The following ADAMTS3 variants were observed in gnomAD, a reference collection of about 807,000 sequenced individuals.
ADAMTS3 encodes the protein A disintegrin and metalloproteinase with thrombospondin motifs 3.
Under a neutral mutation model 129.0 loss-of-function variants are expected in ADAMTS3, and 73 were observed. That is an observed-to-expected ratio of 0.57 (90% confidence interval 0.47 to 0.69). The LOEUF is 0.69. Among genes scored for constraint, ADAMTS3 ranks in the 30% least tolerant of loss-of-function variants. ADAMTS3 has a pLI of 0.00. For missense variants in ADAMTS3, 1,457 were observed against 1,514.5 expected (o/e 0.96, Z 0.63); for synonymous variants, 477 against 510.8 (o/e 0.93, Z 0.89).
chr4:72,482,543 A>C (rs532185761), intron 3 of ADAMTS3, among the ~76,000 whole-genome samples: 1 of 152,230 alleles, frequency 6.6e-6, no homozygotes, highest in East Asian at 1.9e-4. Flanking sequence ...TCATGGCTAT[A>C]AAAGGGCAAT....
In ADAMTS3 at chr4:72,315,937, C is replaced by CAT; in HGVS notation, c.1519_1520insAT (p.Cys507TyrfsTer155). On this transcript the variant is annotated frameshift_variant, in exon 11 of 22. Coordinates refer to ENST00000286657, the MANE Select transcript of ADAMTS3 (RefSeq NM_014243.3). LOFTEE classifies it high-confidence loss of function. ...AAAGTAGGGATTATCAGGATGGCTA[C>CAT]ACCACAGCTGTTTACATGGGTCAAA... The CAT allele has an allele frequency of 6.2e-7, 1 of 1,613,374 alleles. No individual in the cohort carries two copies. The highest frequency in any genetic ancestry group is 8.5e-7 in the Non-Finnish European group (1 of 1,179,546).
chr4:72,500,056 T>C (rs1719971706), intron 3 of ADAMTS3, among the ~76,000 whole-genome samples: 1 of 152,210 alleles, frequency 6.6e-6, no homozygotes, highest in African/African-American at 2.4e-5. Context: ...TTCCATGTCT[T>C]TGTTATTGTG....
At chr4:72,488,573 C>T (rs1299803851) in intron 3 of ADAMTS3, among the ~76,000 whole-genome samples, 1 of 151,918 alleles carries the variant, frequency 6.6e-6, no homozygotes, top group African/African-American at 2.4e-5. Flanking sequence ...ATGTGATCAT[C>T]TCCTGCTCTC....
intron 4 of ADAMTS3, among the ~76,000 whole-genome samples, chr4:72,386,360 T>C (rs980183052): frequency 2.6e-5 from 4 of 152,128 alleles, no homozygotes; most frequent in Non-Finnish European, 5.9e-5. Flanking sequence ...TTCATCCATC[T>C]GTGTCACTCT....
chr4:72,498,657 GC>G (rs1719931761), intron 3 of ADAMTS3, among the ~76,000 whole-genome samples: 1 of 150,098 alleles, frequency 6.7e-6, no homozygotes, highest in South Asian at 2.1e-4. Flanking sequence ...TTTCTCACAC[GC>G]ACACACACAC....
At chr4:72,472,476 T>G (rs1403113324) in intron 3 of ADAMTS3, among the ~76,000 whole-genome samples, 6 of 152,142 alleles carry the variant, frequency 3.9e-5, no homozygotes, top group Non-Finnish European at 8.8e-5. Flanking sequence ...CAAGCTTCCA[T>G]GAAAATCAGT....
chr4:72,389,776 C>T (rs374678178), intron 4 of ADAMTS3, among the ~76,000 whole-genome samples: 1 of 152,094 alleles, frequency 6.6e-6, no homozygotes, highest in East Asian at 1.9e-4. Context: ...TGGGTTTATA[C>T]CAATATTTAA....
At position 72,550,032 on chromosome 4, in the gene ADAMTS3, A is replaced by G. The variant is rs1403466481; in HGVS notation, c.98-1148T>C. ...GAAGAAGAAGAAGAAGAAGAAGAAG[A>G]AGAAGAAGAAGAGGAAGAGGAAGAG... On this transcript the variant is annotated intron_variant, in intron 2 of 21. Coordinates refer to ENST00000286657, the MANE Select transcript of ADAMTS3 (RefSeq NM_014243.3). Among the ~76,000 whole-genome samples the G allele has an allele frequency of 4.6e-3, 35 of 7,580 alleles. 5 individuals carry two copies. The highest frequency in any genetic ancestry group is 0.011 in the East Asian group (2 of 180). The allele number at this position is 7,580 out of a possible 152,430, so 5.0% of individuals were successfully genotyped here.
intron 4 of ADAMTS3, among the ~76,000 whole-genome samples, chr4:72,382,200 C>T (rs1170181235): frequency 1.3e-5 from 2 of 151,890 alleles, no homozygotes; most frequent in Admixed American, 1.3e-4. Flanking sequence ...TATTATGGCA[C>T]ACATAGTTAA....
intron 5 of ADAMTS3, among the ~76,000 whole-genome samples, chr4:72,325,345 T>A (rs190517723): frequency 1.3e-5 from 2 of 152,248 alleles, no homozygotes; most frequent in African/African-American, 4.8e-5. Flanking sequence ...AGTTGAAAAG[T>A]GAATCAAATC....
intron 3 of ADAMTS3, among the ~76,000 whole-genome samples, chr4:72,504,282 G>A (rs1720100162): frequency 6.6e-6 from 1 of 151,982 alleles, no homozygotes; most frequent in African/African-American, 2.4e-5. Context: ...AATTCCCTTG[G>A]TACTTGCTTG....
At chr4:72,530,586 A>AT in intron 3 of ADAMTS3, among the ~76,000 whole-genome samples, 1 of 39,042 alleles carries the variant, frequency 2.6e-5, no homozygotes, top group Admixed American at 3.7e-4. Flanking sequence ...TATATATTAA[A>AT]TATATATTAA....
rs1718329464 is a variant in ADAMTS3, at chr4:72,281,118, CTGTT to C, written c.*2014_*2017del. Reference sequence around the variant, plus strand: ...ATGAATATGTACATCTTTATGGAAACTGTTTGTGTGACCATCTTTATCTTCCCCT... The same window carrying C: ...ATGAATATGTACATCTTTATGGAAACTGTGTGACCATCTTTATCTTCCCCT... On this transcript the variant is annotated 3_prime_UTR_variant, in exon 22 of 22. Transcript: ENST00000286657. 6.6e-6 allele frequency: 1 copy of C among 152,530 alleles called. No individual in the cohort carries two copies. Among genetic ancestry groups the C allele is most frequent in the Non-Finnish European group, 1.5e-5 (1 of 68,004 alleles). 9.4% of individuals were successfully genotyped at this position (152,530 alleles called of 1,614,324 possible).
At chr4:72,393,420 T>C (rs1314551901) in intron 4 of ADAMTS3, among the ~76,000 whole-genome samples, 1 of 152,150 alleles carries the variant, frequency 6.6e-6, no homozygotes, top group Non-Finnish European at 1.5e-5. Flanking sequence ...TTAAATTTTT[T>C]CCAAATATGT....
At chr4:72,414,788 A>G in intron 4 of ADAMTS3, 27 bp downstream of exon 4, 1 of 1,344,920 alleles carries the variant, frequency 7.4e-7, no homozygotes, top group Non-Finnish European at 9.6e-7. Context: ...ATTATATTTC[A>G]TTATTAAGCT....
intron 15 of ADAMTS3, 49 bp downstream of exon 15, chr4:72,309,348 G>A (rs571540536): frequency 1.9e-6 from 3 of 1,591,946 alleles, no homozygotes; most frequent in African/African-American, 2.7e-5. Context: ...GCCTCAAAAA[G>A]TACAAATCAC....
At chr4:72,533,673 A>ATACGTATATATACATATATATG in intron 3 of ADAMTS3, among the ~76,000 whole-genome samples, 1 of 151,478 alleles carries the variant, frequency 6.6e-6, no homozygotes. Context: ...GTATATGCAC[A>ATACGTATATATACATATATATG]TATATGCACA....
chr4:72,495,936 T>C (rs563304406), intron 3 of ADAMTS3, among the ~76,000 whole-genome samples: 6 of 152,334 alleles, frequency 3.9e-5, no homozygotes, highest in Admixed American at 1.3e-4. Flanking sequence ...CATCTTTCCA[T>C]GTAAGCAATC....
At chr4:72,306,787 T>A (rs1719100018) in intron 15 of ADAMTS3, among the ~76,000 whole-genome samples, 1 of 151,908 alleles carries the variant, frequency 6.6e-6, no homozygotes, top group Admixed American at 6.6e-5. Context: ...AATAAGAAAA[T>A]CAATATGCTT....
Sources: allele counts gnomAD v4.1 joint callset (sites outside exome capture counted in the v4.1 genomes callset), GRCh38; gene constraint gnomAD v4.1.1; transcripts MANE v1.5; gene names NCBI Gene and HGNC (gene_info 2026-07-23, HGNC 2026-07-21).